The following NRP2 variants were observed in gnomAD, a reference collection of about 807,000 sequenced individuals.
NRP2 encodes the protein neuropilin 2.
NRP2 carries 52 observed loss-of-function variants against 110.4 expected under a neutral mutation model. The observed-to-expected ratio is 0.47, with a 90% CI of 0.38 to 0.59. The LOEUF (loss-of-function observed/expected upper bound fraction) is 0.59. NRP2 is among the 20% of genes least tolerant of loss of function. NRP2 has a pLI of 0.00. For missense variants in NRP2, 1,049 were observed against 1,203.0 expected (o/e 0.87, Z 1.89); for synonymous variants, 508 against 468.9 (o/e 1.08, Z -1.08).
At chr2:205,701,911 A>G (rs1393918073) in intron 2 of NRP2, among the ~76,000 whole-genome samples, 3 of 152,230 alleles carry the variant, frequency 2.0e-5, no homozygotes, top group African/African-American at 7.2e-5. Context: ...CTTTTTCTCA[A>G]TGATTCAGGC....
At chr2:205,701,634 C>T (rs974915511) in intron 2 of NRP2, 2 of 151,844 alleles carry the variant, frequency 1.3e-5, no homozygotes, top group Non-Finnish European at 2.9e-5. Flanking sequence ...AAGAACATTT[C>T]TTAGGCTAAA....
intron 14 of NRP2, chr2:205,765,777 ATCCC>A: frequency 1.4e-6 from 1 of 706,300 alleles, no homozygotes; most frequent in Non-Finnish European, 2.6e-6. Flanking sequence ...GACGGCTTAT[ATCCC>A]TGTTCCCAAT....
chr2:205,791,501 C>CT (rs1174584999), intron 15 of NRP2, among the ~76,000 whole-genome samples: 6 of 152,200 alleles, frequency 3.9e-5, no homozygotes, highest in Non-Finnish European at 5.9e-5. Context: ...ATAGAGAGAC[C>CT]TGTATTATCA....
intron 1 of NRP2, 99 bp from the exon 2 acceptor site, chr2:205,697,445 G>C: frequency 8.9e-7 from 1 of 1,125,952 alleles, no homozygotes; most frequent in Non-Finnish European, 1.4e-6. Context: ...CTGTAAAATA[G>C]TTTTAATCAG....
At chr2:205,684,755 G>A (rs849534) in intron 1 of NRP2, among the ~76,000 whole-genome samples, 1 of 152,210 alleles carries the variant, frequency 6.6e-6, no homozygotes, top group Non-Finnish European at 1.5e-5. Context: ...CTGGGCCTCC[G>A]CCGTTCCCCC....
intron 3 of NRP2, among the ~76,000 whole-genome samples, chr2:205,717,924 T>A (rs1031379101): frequency 1.3e-5 from 2 of 152,114 alleles, no homozygotes; most frequent in African/African-American, 4.8e-5. Context: ...GTATGTAAAT[T>A]GAAAGGAAAA....
chr2:205,794,027 A>T (rs571007962), intron 16 of NRP2, among the ~76,000 whole-genome samples: 3 of 152,192 alleles, frequency 2.0e-5, no homozygotes, highest in East Asian at 3.9e-4. Context: ...TGCCTTGAAC[A>T]CAAGGCCATC....
intron 15 of NRP2, among the ~76,000 whole-genome samples, chr2:205,772,483 G>A (rs918910217): frequency 3.9e-5 from 6 of 152,202 alleles, no homozygotes; most frequent in Admixed American, 3.9e-4. Context: ...AATGCACTTG[G>A]AGTTCAGTTA....
chr2:205,684,784 C>T (rs2105852300), intron 1 of NRP2, among the ~76,000 whole-genome samples: 1 of 152,376 alleles, frequency 6.6e-6, no homozygotes, highest in South Asian at 2.1e-4. Context: ...TTTCTAAATT[C>T]CCAGCTTGAA....
chr2:205,725,028 C>A lies in NRP2; in HGVS notation c.821-885C>A, dbSNP rs1456900302. Among the ~76,000 whole-genome samples, 3 of 152,140 alleles carry A rather than the reference C, an allele frequency of 2.0e-5. No homozygotes were observed. Among genetic ancestry groups the A allele is most frequent in the Non-Finnish European group, 4.4e-5 (3 of 68,024 alleles). ...AAAGATTCAAGCTGTGGAAATCCTA[C>A]CCTGATTGCAGACAACTCACCATAT... On this transcript the variant is annotated intron_variant, in intron 5 of 16. Transcript: ENST00000357785. The surrounding 1 kb of genome is among the most constrained non-coding windows in gnomAD (Gnocchi z 4.1).
In NRP2 at chr2:205,744,796, G is replaced by A. The variant is rs115454896; in HGVS notation, c.1642-950G>A. On this transcript the variant is annotated intron_variant, in intron 9 of 16. Coordinates refer to ENST00000357785, the MANE Select transcript of NRP2 (RefSeq NM_003872.3). ...GGTAAACTCCCAGCTCTCAACTCCA[G>A]AGGCTTAGAAAGGCTCAGGGCTTGG... Among the ~76,000 whole-genome samples, 143 of 152,358 alleles carry A rather than the reference G, an allele frequency of 9.4e-4. 1 individual carries two copies. Among genetic ancestry groups the A allele is most frequent in the African/African-American group, 3.3e-3 (138 of 41,582 alleles).
rs1291207810 is a variant in NRP2, at chr2:205,783,551, G to A, written c.2426-8684G>A. On this transcript the variant is annotated intron_variant, in intron 15 of 16. Coordinates refer to ENST00000357785, the MANE Select transcript of NRP2 (RefSeq NM_003872.3). ...AAATTTGAGAGGCCTTGGACCACAG[G>A]CCCCCACACTGGCCCCAAGAGGGGC... 3.3e-5 allele frequency among the ~76,000 whole-genome samples: 5 copies of A among 152,358 alleles called. No homozygotes were observed. In the Middle Eastern group the frequency reaches 0.014, roughly 415 times the overall value.
chr2:205,749,751 G>A lies in NRP2; in HGVS notation c.1813G>A (p.Gly605Arg). 1 of 1,614,144 alleles carries A rather than the reference G, an allele frequency of 6.2e-7. No individual in the cohort carries two copies. Among genetic ancestry groups the A allele is most frequent in the Non-Finnish European group, 8.5e-7 (1 of 1,180,006 alleles). ...TDSKPTVETL[G>R]PTVKSEETTT... is the part of the protein sequence containing the mutation. ...CTCCAAGCCCACGGTAGAGACGCTGGGACCCACTGTGAAGAGCGAAGAGAC... is the reference window on the plus strand; with the variant it reads ...CTCCAAGCCCACGGTAGAGACGCTGAGACCCACTGTGAAGAGCGAAGAGAC... The change falls in exon 11 of 17, where the codon GGA (glycine) becomes AGA (arginine). Residue 605 changes from glycine (G) to arginine (R), a missense_variant. Physicochemically the swap from Gly to Arg is moderately radical, Grantham distance 125. Coordinates refer to ENST00000357785, the MANE Select transcript of NRP2 (RefSeq NM_003872.3).
rs981874631 is a variant in NRP2, at chr2:205,686,422, C to T, written c.73+3059C>T. Among the ~76,000 whole-genome samples, 5 of 152,222 alleles carry T rather than the reference C, an allele frequency of 3.3e-5. No individual in the cohort carries two copies. Among genetic ancestry groups the T allele is most frequent in the Admixed American group, 6.5e-5 (1 of 15,284 alleles). ...TCCACGTGAGAAAAAGAAATGTTCA[C>T]GGCCGATGCTTCATTTTCACTGATT... On this transcript the variant is annotated intron_variant, in intron 1 of 16. Coordinates refer to ENST00000357785, the MANE Select transcript of NRP2 (RefSeq NM_003872.3). This position sits in a 1 kb window ranked among gnomAD's most constrained non-coding sequence, Gnocchi z 4.7.
intron 12 of NRP2, among the ~76,000 whole-genome samples, chr2:205,758,866 T>C (rs1363581927): frequency 6.6e-6 from 1 of 152,214 alleles, no homozygotes; most frequent in Non-Finnish European, 1.5e-5. Flanking sequence ...AGGCGACCTC[T>C]TGACAATCCA....
rs182582194 is a variant in NRP2, at chr2:205,738,159, G to A, written c.1147-2360G>A. 3.3e-4 allele frequency among the ~76,000 whole-genome samples: 50 copies of A among 152,318 alleles called. No homozygotes were observed. The Middle Eastern group carries it at 0.014, about 41-fold the overall frequency. ...AGCGTGGTGTGTATGCTGTGGATTA[G>A]CGGCAGTGTTAAAGTTCAGATCCAC... On this transcript the variant is annotated intron_variant, in intron 7 of 16. Coordinates refer to ENST00000357785, the MANE Select transcript of NRP2 (RefSeq NM_003872.3).
chr2:205,738,888 T>G (rs1212418866), intron 7 of NRP2, among the ~76,000 whole-genome samples: 1 of 152,234 alleles, frequency 6.6e-6, no homozygotes, highest in East Asian at 1.9e-4. Flanking sequence ...CTTCCCTGTT[T>G]GTCTTCAGCC....
chr2:205,683,738 A>G (rs2056075154), intron 1 of NRP2, among the ~76,000 whole-genome samples: 1 of 152,234 alleles, frequency 6.6e-6, no homozygotes, highest in African/African-American at 2.4e-5. Context: ...AGTTTCTCCA[A>G]CTAGCCAGTG....
At chr2:205,687,095 G>A (rs2056187149) in intron 1 of NRP2, among the ~76,000 whole-genome samples, 1 of 152,154 alleles carries the variant, frequency 6.6e-6, no homozygotes, top group Admixed American at 6.5e-5. Flanking sequence ...CGTCTGGAGA[G>A]CTTTGATCTA....
Sources: gnomAD v4.1 joint callset for allele counts (sites outside exome capture counted in the v4.1 genomes callset) on GRCh38, gnomAD v4.1.1 for gene constraint, Gnocchi (gnomAD v3.1) non-coding constraint, MANE v1.5 for transcripts, NCBI Gene and HGNC (gene_info 2026-07-23, HGNC 2026-07-21) for gene names.